Variants in SLC6A3 observed in about 807,000 individuals in gnomAD.
SLC6A3 encodes sodium-dependent dopamine transporter.
Under a neutral mutation model 70.4 loss-of-function variants are expected in SLC6A3, and 19 were observed. The observed-to-expected ratio is 0.27, with a 90% CI of 0.19 to 0.40. SLC6A3 has a LOEUF of 0.40. Among genes scored for constraint, SLC6A3 ranks in the 10% least tolerant of loss-of-function variants. SLC6A3 has a pLI of 1.00. For missense variants in SLC6A3, 613 were observed against 838.5 expected (o/e 0.73, Z 3.32); for synonymous variants, 368 against 356.6 (o/e 1.03, Z -0.36).
At position 1,437,066 on chromosome 5, in the gene SLC6A3, A is replaced by G. The variant is rs754059227; in HGVS notation, c.418+4293T>C. Reference sequence around the variant, plus strand: ...GGCAATCGAGACCATCCTGGCTAACACGATGAAACCCCGTCTCTACTAAAA... The same window carrying G: ...GGCAATCGAGACCATCCTGGCTAACGCGATGAAACCCCGTCTCTACTAAAA... On this transcript the variant is annotated intron_variant, in intron 3 of 14. Coordinates refer to ENST00000270349, the MANE Select transcript of SLC6A3 (RefSeq NM_001044.5). The surrounding 1 kb of genome is among the most constrained non-coding windows in gnomAD (Gnocchi z 4.8). Among the ~76,000 whole-genome samples the G allele has an allele frequency of 3.3e-5, 5 of 152,128 alleles. No individual in the cohort carries two copies. The highest frequency in any genetic ancestry group is 5.9e-5 in the Non-Finnish European group (4 of 68,018).
rs544206469 is a variant in SLC6A3 at position 1,423,608 on chromosome 5, G to C, written c.654-1594C>G. 2.8e-4 allele frequency among the ~76,000 whole-genome samples: 43 copies of C among 152,354 alleles called. 1 individual carries two copies. The highest frequency in any genetic ancestry group is 1.0e-3 in the African/African-American group (42 of 41,582). On this transcript the variant is annotated intron_variant, in intron 4 of 14. Transcript: ENST00000270349. ...GTTTTTTGAAGGATCCCTCAGAAAGGGCAGAACAGAGGGTGAGGGATGGAG... is the reference window on the plus strand; with the variant it reads ...GTTTTTTGAAGGATCCCTCAGAAAGCGCAGAACAGAGGGTGAGGGATGGAG...
chr5:1,404,370 C>T lies in SLC6A3; in HGVS notation c.1600-1281G>A, dbSNP rs888040776. On this transcript the variant is annotated intron_variant, in intron 12 of 14. Transcript: ENST00000270349. The surrounding 1 kb of genome is among the most constrained non-coding windows in gnomAD (Gnocchi z 5.2). ...GCCCTGAGCATGCTTTAAAGAGCCA[C>T]GCGTGCATCCCTGGACATGTCGGGC... Among the ~76,000 whole-genome samples the T allele has an allele frequency of 2.6e-5, 4 of 152,186 alleles. No individual in the cohort carries two copies. Among genetic ancestry groups the T allele is most frequent in the Non-Finnish European group, 5.9e-5 (4 of 68,030 alleles).
In SLC6A3 at chr5:1,393,841, G is replaced by C. The variant is rs1037738359; in HGVS notation, c.*894C>G. The C allele has an allele frequency of 7.5e-5, 11 of 146,240 alleles. No homozygotes were observed. Among genetic ancestry groups the C allele is most frequent in the African/African-American group, 3.0e-4 (11 of 36,620 alleles). The allele number at this position is 146,240 out of a possible 1,614,324, so 9.1% of individuals were successfully genotyped here. On this transcript the variant is annotated 3_prime_UTR_variant, in exon 15 of 15. Transcript: ENST00000270349. The stretch of plus-strand genomic sequence containing the variant: ...ACACGCTCCTGTGGGGGCCCTGCAT[G>C]CGTTCTGGGGTAGTACACGCTCCTG...
chr5:1,442,545 G>C lies in SLC6A3; in HGVS notation c.286+367C>G, dbSNP rs1410299952. 6.6e-6 allele frequency among the ~76,000 whole-genome samples: 1 copy of C among 152,200 alleles called. No individual in the cohort carries two copies. The highest frequency in any genetic ancestry group is 1.5e-5 in the Non-Finnish European group (1 of 68,042). ...CAGGGCCTCCACATGCTTTGCAAAG[G>C]CTGCCAAAGTCAGCCGCAGGCTGTT... is the stretch of plus-strand genomic sequence containing the variant. On this transcript the variant is annotated intron_variant, in intron 2 of 14. Transcript: ENST00000270349. This position sits in a 1 kb window ranked among gnomAD's most constrained non-coding sequence, Gnocchi z 5.0.
In SLC6A3 at chr5:1,416,213, G is replaced by C. The variant is rs746229140; in HGVS notation, c.928-12C>G. ...GCGTCAATCCAAACCTGCAGAGCCA[G>C]AGGGCGGTGAGAGGCTGTCCCAGGA... is the stretch of plus-strand genomic sequence containing the variant. On this transcript the variant is annotated splice_polypyrimidine_tract_variant and intron_variant, in intron 6 of 14. Transcript: ENST00000270349. 1.6e-5 allele frequency: 26 copies of C among 1,605,234 alleles called. No homozygotes were observed. Among genetic ancestry groups the C allele is most frequent in the Non-Finnish European group, 2.2e-5 (26 of 1,174,084 alleles).
Position 1,413,638 on chromosome 5 carries a change from G to C in SLC6A3, c.1156+1053C>G, listed in dbSNP as rs1279607036. ...AGACAGTCCAGAGGAAGCAAGGATG[G>C]GGACGCAGCATGGGAGCCCACCCAA... On this transcript the variant is annotated intron_variant, in intron 8 of 14. Transcript: ENST00000270349. The surrounding 1 kb of genome is among the most constrained non-coding windows in gnomAD (Gnocchi z 7.1). Among the ~76,000 whole-genome samples, 1 of 152,146 alleles carries C rather than the reference G, an allele frequency of 6.6e-6. No homozygotes were observed. The highest frequency in any genetic ancestry group is 1.5e-5 in the Non-Finnish European group (1 of 68,014).
intron 3 of SLC6A3, among the ~76,000 whole-genome samples, chr5:1,433,719 TCATC>T (rs1756762310): frequency 1.5e-5 from 2 of 135,268 alleles, no homozygotes; most frequent in Admixed American, 1.5e-4. Context: ...CTATCCATGG[TCATC>T]CATAGCCATC....
At chr5:1,430,784 G>A (rs1756681682) in intron 4 of SLC6A3, among the ~76,000 whole-genome samples, 1 of 7,242 alleles carries the variant, frequency 1.4e-4, no homozygotes, top group African/African-American at 5.6e-4. Flanking sequence ...GAGGCGAGGT[G>A]GGGGCTTCTC....
rs575481460 is a variant in SLC6A3 at position 1,429,441 on chromosome 5, T to C, written c.653+3023A>G. On this transcript the variant is annotated intron_variant, in intron 4 of 14. Coordinates refer to ENST00000270349, the MANE Select transcript of SLC6A3 (RefSeq NM_001044.5). The stretch of plus-strand genomic sequence containing the variant: ...GAGTGAAGGGCTGGGCACCTTTCTG[T>C]TTCCTTCCTTCCTTCCAGACTGAGA... 2.6e-5 allele frequency among the ~76,000 whole-genome samples: 4 copies of C among 152,156 alleles called. No homozygotes were observed. The South Asian group carries it at 8.3e-4, about 32-fold the overall frequency.
intron 5 of SLC6A3, 53 bp from the exon 6 acceptor site, chr5:1,420,756 G>T: frequency 6.2e-7 from 1 of 1,600,360 alleles, no homozygotes; most frequent in Non-Finnish European, 8.5e-7. Context: ...CTTGGTGGGA[G>T]CAGACACTGG....
intron 4 of SLC6A3, among the ~76,000 whole-genome samples, chr5:1,423,852 G>A (rs1049811464): frequency 3.3e-5 from 5 of 152,234 alleles, no homozygotes; most frequent in African/African-American, 9.6e-5. Context: ...CAGAAGCCGC[G>A]TTATGAAAGG....
intron 10 of SLC6A3, 89 bp from the exon 11 acceptor site, chr5:1,409,214 T>A (rs567943679): frequency 6.7e-5 from 64 of 958,484 alleles, no homozygotes; most frequent in Middle Eastern, 2.1e-4. Context: ...ACAAATTGTT[T>A]CACTCACTGC....
intron 1 of SLC6A3, 57 bp from the exon 2 acceptor site, chr5:1,443,299 G>T (rs1254289297): frequency 2.2e-6 from 3 of 1,362,016 alleles, no homozygotes; most frequent in African/African-American, 2.8e-5. Flanking sequence ...CAGCAGCCAG[G>T]GCTAGGGACA....
Position 1,404,786 on chromosome 5 carries a change from A to G in SLC6A3, c.1599+1402T>C, listed in dbSNP as rs1296963347. Among the ~76,000 whole-genome samples the G allele has an allele frequency of 6.6e-6, 1 of 152,282 alleles. No individual in the cohort carries two copies. Among genetic ancestry groups the G allele is most frequent in the Non-Finnish European group, 1.5e-5 (1 of 68,052 alleles). ...ATTGTCATGTTTCTCTCAACTTGGC[A>G]AAATGAAGTCCTGTTTCGTATAGTT... On this transcript the variant is annotated intron_variant, in intron 12 of 14. Transcript: ENST00000270349. This position sits in a 1 kb window ranked among gnomAD's most constrained non-coding sequence, Gnocchi z 5.2.
At chr5:1,418,313 TCCAGGA>T (rs1347955356) in intron 6 of SLC6A3, among the ~76,000 whole-genome samples, 1 of 152,172 alleles carries the variant, frequency 6.6e-6, no homozygotes, top group Admixed American at 6.5e-5. Context: ...GCACTTTCAC[TCCAGGA>T]CCTGCAATTG....
At chr5:1,423,950 A>G (rs760353663) in intron 4 of SLC6A3, among the ~76,000 whole-genome samples, 24 of 152,206 alleles carry the variant, frequency 1.6e-4, no homozygotes, top group Admixed American at 7.2e-4. Flanking sequence ...AGCCCGGCCG[A>G]ATGCAGCCTT....
Position 1,436,507 on chromosome 5 carries a change from C to T in SLC6A3, c.419-3809G>A, listed in dbSNP as rs531996522. Reference sequence around the variant, plus strand: ...CCTGTCTGACTCCCAGGAAGCTCGGCGCTAAGTGTGAATTTCAAGCATAGC... The same window carrying T: ...CCTGTCTGACTCCCAGGAAGCTCGGTGCTAAGTGTGAATTTCAAGCATAGC... On this transcript the variant is annotated intron_variant, in intron 3 of 14. Transcript: ENST00000270349. The surrounding 1 kb of genome is among the most constrained non-coding windows in gnomAD (Gnocchi z 5.2). Among the ~76,000 whole-genome samples the T allele has an allele frequency of 9.9e-5, 15 of 152,172 alleles. No individual in the cohort carries two copies. The highest frequency in any genetic ancestry group is 1.5e-4 in the Non-Finnish European group (10 of 68,022).
Position 1,443,184 on chromosome 5 carries a change from T to C in SLC6A3, c.14A>G (p.Lys5Arg). 6.2e-7 allele frequency: 1 copy of C among 1,614,246 alleles called. No homozygotes were observed. The highest frequency in any genetic ancestry group is 8.5e-7 in the Non-Finnish European group (1 of 1,180,038). Residue 5 changes from lysine to arginine, a missense_variant, in exon 2 of 15, where the codon AAA becomes AGA. By Grantham distance (26) the Lys-to-Arg change is conservative (BLOSUM62 2). This residue lies in a region of SLC6A3 where 111 missense variants were observed against 91.6 expected (regional missense o/e 1.21). Transcript: ENST00000270349. MSKS[K>R]CSVGLMSSVV... is the part of the protein sequence containing the mutation. ...GGAAGACATGAGTCCCACGGAGCATTTGCTCTTACTCATGGGCACACTGGG... is the reference window on the plus strand; with the variant it reads ...GGAAGACATGAGTCCCACGGAGCATCTGCTCTTACTCATGGGCACACTGGG...
At chr5:1,428,290 A>C (rs1004708003) in intron 4 of SLC6A3, among the ~76,000 whole-genome samples, 3 of 152,244 alleles carry the variant, frequency 2.0e-5, no homozygotes, top group Non-Finnish European at 2.9e-5. Context: ...GAATACTTTG[A>C]ACTGAATGAA....
Sources: allele counts gnomAD v4.1 joint callset (sites outside exome capture counted in the v4.1 genomes callset), GRCh38; gene constraint gnomAD v4.1.1; regional missense constraint gnomAD v4.1.1; non-coding constraint Gnocchi (gnomAD v3.1); transcripts MANE v1.5; gene names NCBI Gene and HGNC (gene_info 2026-07-23, HGNC 2026-07-21).